TAFA2: variants seen among roughly 807,000 people sequenced by gnomAD.
TAFA2 encodes the protein chemokine-like protein TAFA-2.
A neutral mutation model predicts 18.8 loss-of-function variants in TAFA2; 7 were observed. The ratio of observed to expected loss-of-function variants is 0.37; its 90% CI spans 0.21 to 0.70. The LOEUF is 0.70. TAFA2 is among the 30% of genes least tolerant of loss of function. The pLI, the probability that TAFA2 is intolerant of heterozygous loss-of-function variation, is 0.53. For missense variants in TAFA2, 122 were observed against 158.1 expected, an observed-to-expected ratio of 0.77 and a Z score of 1.23; for synonymous variants, 60 against 54.2, an observed-to-expected ratio of 1.11 and a Z score of -0.47.
At chr12:61,833,936 G>C (rs1872815059) in intron 2 of TAFA2, among the ~76,000 whole-genome samples, 1 of 151,974 alleles carries the variant, frequency 6.6e-6, no homozygotes, top group African/African-American at 2.4e-5. Flanking sequence ...AGCTGGTATA[G>C]AGCCTGGAGA....
At chr12:62,206,208 C>T (rs2062691033) in intron 1 of TAFA2, among the ~76,000 whole-genome samples, 1 of 152,124 alleles carries the variant, frequency 6.6e-6, no homozygotes, top group Admixed American at 6.6e-5. Flanking sequence ...AGCCAACCAG[C>T]CAGCCTAGAT....
In TAFA2 at chr12:61,997,185, GTGTGTGTA is replaced by G. The variant is rs1194758619; in HGVS notation, c.-1-129767_-1-129760del. Reference sequence around the variant, plus strand: ...TGTATATATGTGTGTGTGTGTGTGTGTGTGTGTATATATATATATATAACCCATTAAGT... The same window carrying G: ...TGTATATATGTGTGTGTGTGTGTGTGTATATATATATATAACCCATTAAGT... On this transcript the variant is annotated intron_variant, in intron 1 of 4. Transcript: ENST00000416284. Among the ~76,000 whole-genome samples the G allele has an allele frequency of 2.6e-5, 4 of 151,326 alleles. No individual in the cohort carries two copies. The South Asian group carries it at 6.3e-4, about 24-fold the overall frequency.
chr12:62,164,429 T>A (rs1395781026), intron 1 of TAFA2, among the ~76,000 whole-genome samples: 2 of 152,164 alleles, frequency 1.3e-5, no homozygotes, highest in African/African-American at 4.8e-5. Context: ...AGATTCTTAA[T>A]CAATTATCAG....
At chr12:62,157,908 C>T (rs1377719616) in intron 1 of TAFA2, among the ~76,000 whole-genome samples, 1 of 152,176 alleles carries the variant, frequency 6.6e-6, no homozygotes, top group East Asian at 1.9e-4. Context: ...TTGTTTAGAG[C>T]TCTATCTCCA....
chr12:62,214,195 A>G (rs1002175776), intron 1 of TAFA2, among the ~76,000 whole-genome samples: 6 of 152,152 alleles, frequency 3.9e-5, no homozygotes, highest in African/African-American at 9.7e-5. Context: ...CCTAACCCCA[A>G]TATGGTTTGG....
intron 1 of TAFA2, among the ~76,000 whole-genome samples, chr12:62,227,456 G>T (rs1453452639): frequency 6.6e-6 from 1 of 152,100 alleles, no homozygotes; most frequent in African/African-American, 2.4e-5. Flanking sequence ...CAGATCTTTT[G>T]CCCATTTTAA....
chr12:61,748,101 C>A (rs11174152), intron 4 of TAFA2, among the ~76,000 whole-genome samples: 56,507 of 150,592 alleles, frequency 0.38, 10,767 homozygotes, highest in African/African-American at 0.46. Context: ...CAGGTGATAA[C>A]AGCAATTTAT....
chr12:62,178,381 T>A (rs2062529159), intron 1 of TAFA2, among the ~76,000 whole-genome samples: 1 of 152,306 alleles, frequency 6.6e-6, no homozygotes, highest in South Asian at 2.1e-4. Flanking sequence ...CCGTTTATGT[T>A]ATAATTTTTC....
upstream of TAFA2, among the ~76,000 whole-genome samples, chr12:62,197,058 G>A (rs1027682012): frequency 6.6e-6 from 1 of 152,170 alleles, no homozygotes; most frequent in Non-Finnish European, 1.5e-5. Flanking sequence ...ATTCTCACAG[G>A]AGCCTGAACC....
intron 1 of TAFA2, among the ~76,000 whole-genome samples, chr12:61,946,038 A>G (rs967618615): frequency 2.5e-5 from 3 of 122,396 alleles, no homozygotes; most frequent in Admixed American, 7.9e-5. Context: ...GAGGCATCAC[A>G]CTACCTGACT....
chr12:62,186,617 G>A (rs1045996298), intron 1 of TAFA2, among the ~76,000 whole-genome samples: 5 of 152,068 alleles, frequency 3.3e-5, no homozygotes, highest in Admixed American at 1.3e-4. Context: ...CTATTGCTGG[G>A]GAAAGGGAGA....
intron 2 of TAFA2, among the ~76,000 whole-genome samples, chr12:61,773,512 T>A (rs1870122697): frequency 6.6e-6 from 1 of 151,960 alleles, no homozygotes; most frequent in African/African-American, 2.4e-5. Context: ...AATAGGCACA[T>A]AGACCAATGG....
chr12:62,126,444 G>T (rs1462044906), intron 1 of TAFA2, among the ~76,000 whole-genome samples: 2 of 152,116 alleles, frequency 1.3e-5, no homozygotes, highest in African/African-American at 4.8e-5. Context: ...GGTAGAAATA[G>T]TGTCTCTTTC....
At position 61,809,981 on chromosome 12, in the gene TAFA2, C is replaced by T. The variant is rs187338849; in HGVS notation, c.107-54957G>A. 8.5e-4 allele frequency among the ~76,000 whole-genome samples: 129 copies of T among 151,374 alleles called. 6 individuals are homozygous for T. The highest frequency in any genetic ancestry group is 2.0e-3 in the African/African-American group (81 of 40,712). On this transcript the variant is annotated intron_variant, in intron 2 of 4. Coordinates refer to ENST00000416284, the MANE Select transcript of TAFA2 (RefSeq NM_178539.5). ...AATGTTTTCTGAAGACATAGCTGAC[C>T]ACCCCTCCACATCTGCCAGGGAATC...
At position 62,059,157 on chromosome 12, in the gene TAFA2, G is replaced by A. The variant is rs868322670; in HGVS notation, c.-2+132102C>T. ...TGTGTATATGTGTGTGTGTGTGTGTGTGTGTGTGTGTGTATCTGAGTGTTC... is the reference window on the plus strand; with the variant it reads ...TGTGTATATGTGTGTGTGTGTGTGTATGTGTGTGTGTGTATCTGAGTGTTC... On this transcript the variant is annotated intron_variant, in intron 1 of 4. Coordinates refer to ENST00000416284, the MANE Select transcript of TAFA2 (RefSeq NM_178539.5). 2.7e-5 allele frequency among the ~76,000 whole-genome samples: 4 copies of A among 150,598 alleles called. No homozygotes were observed. The South Asian group carries it at 6.3e-4, about 24-fold the overall frequency.
At chr12:61,859,201 C>T (rs902784268) in intron 2 of TAFA2, among the ~76,000 whole-genome samples, 2 of 152,154 alleles carry the variant, frequency 1.3e-5, no homozygotes, top group African/African-American at 4.8e-5. Flanking sequence ...CTTCACAGGG[C>T]GGCAGGACCA....
chr12:62,104,911 C>CTGCCAA, intron 1 of TAFA2: 1 of 239,862 alleles, frequency 4.2e-6, no homozygotes, highest in Non-Finnish European at 8.6e-6. Context: ...CATTTCAAAA[C>CTGCCAA]GTTGGCTGCC....
At chr12:61,891,059 TATAA>T (rs1875611225) in intron 1 of TAFA2, among the ~76,000 whole-genome samples, 1 of 152,226 alleles carries the variant, frequency 6.6e-6, no homozygotes, top group South Asian at 2.1e-4. Context: ...TTTCTGGAGC[TATAA>T]ATAAAGTAAT....
At chr12:61,825,453 A>G (rs1410856338) in intron 2 of TAFA2, among the ~76,000 whole-genome samples, 1 of 152,132 alleles carries the variant, frequency 6.6e-6, no homozygotes, top group Non-Finnish European at 1.5e-5. Context: ...ATTGGATTTA[A>G]AGGGCTAGTG....
Sources: gnomAD v4.1 joint callset for allele counts (sites outside exome capture counted in the v4.1 genomes callset) on GRCh38, gnomAD v4.1.1 for gene constraint, MANE v1.5 for transcripts, NCBI Gene and HGNC (gene_info 2026-07-23, HGNC 2026-07-21) for gene names.